CSF1R: variants seen among roughly 807,000 people sequenced by gnomAD.
The protein encoded by CSF1R is colony stimulating factor 1 receptor.
CSF1R carries 40 observed loss-of-function variants against 110.0 expected under a neutral mutation model. That is an observed-to-expected ratio of 0.36 (90% CI 0.28 to 0.47). The LOEUF is 0.47. Ranked by LOEUF, CSF1R falls within the 20% of genes least tolerant of loss-of-function variation. The pLI is 0.99. For synonymous variants in CSF1R, 523 were observed against 503.4 expected (o/e 1.04, Z -0.52); for missense variants, 1,052 against 1,253.0 (o/e 0.84, Z 2.42).
At chr5:150,085,453 C>G (rs1033566311) in intron 1 of CSF1R, among the ~76,000 whole-genome samples, 4 of 151,960 alleles carry the variant, frequency 2.6e-5, no homozygotes, top group East Asian at 1.9e-4. Context: ...CCATCCTCCC[C>G]CAAGGTCCCT....
intron 1 of CSF1R, among the ~76,000 whole-genome samples, chr5:150,097,251 C>CA (rs1306086961): frequency 8.3e-6 from 1 of 120,428 alleles, no homozygotes; most frequent in Non-Finnish European, 1.7e-5. Flanking sequence ...CACTCAGTCT[C>CA]AAAAAAAGAA....
chr5:150,069,461 G>A lies in CSF1R; in HGVS notation c.1510+412C>T, dbSNP rs1204727782. 2.6e-5 allele frequency among the ~76,000 whole-genome samples: 4 copies of A among 152,298 alleles called. No homozygotes were observed. In the East Asian group the frequency reaches 7.7e-4, roughly 29 times the overall value. ...GGCCGTCCTTAGCTGGCCCCGAGCTGGAGATGGACTGTTTCCTTGCTCATT... is the reference window on the plus strand; with the variant it reads ...GGCCGTCCTTAGCTGGCCCCGAGCTAGAGATGGACTGTTTCCTTGCTCATT... On this transcript the variant is annotated intron_variant, in intron 9 of 20. Coordinates refer to ENST00000675795, the MANE Select transcript of CSF1R (RefSeq NM_001288705.3).
At position 150,059,695 on chromosome 5, in the gene CSF1R, G is replaced by T. The variant is rs17110908; in HGVS notation, c.2132+5C>A. 8.1e-6 allele frequency: 13 copies of T among 1,612,970 alleles called. No individual in the cohort carries two copies. In the East Asian group the frequency reaches 2.7e-4, roughly 33 times the overall value. On this transcript the variant is annotated splice_donor_5th_base_variant and intron_variant, in intron 14 of 20. Coordinates refer to ENST00000675795, the MANE Select transcript of CSF1R (RefSeq NM_001288705.3). ...GCCTTTTTCTTGTCCTTTGCCAGGG[G>T]CTACCTGCGGACATATTTCTTCTCG...
chr5:150,072,376 C>T (rs1581310283), intron 6 of CSF1R, among the ~76,000 whole-genome samples: 1 of 152,040 alleles, frequency 6.6e-6, no homozygotes, highest in Non-Finnish European at 1.5e-5. Flanking sequence ...CATCTGTAAT[C>T]CCAGCTACTC....
intron 14 of CSF1R, among the ~76,000 whole-genome samples, chr5:150,059,158 C>A (rs906259430): frequency 6.6e-6 from 1 of 152,224 alleles, no homozygotes; most frequent in African/African-American, 2.4e-5. Flanking sequence ...AATTCTCCCG[C>A]CTCAGCCTCC....
chr5:150,065,692 CG>C lies in CSF1R; in HGVS notation c.1626+2522del, dbSNP rs371443008. On this transcript the variant is annotated intron_variant, in intron 10 of 20. Coordinates refer to ENST00000675795, the MANE Select transcript of CSF1R (RefSeq NM_001288705.3). ...CCTCCGCTCCCATGGGTGGACACCT[CG>C]GCCTGGAGCTAAAGGGTCTGTGAAT... Among the ~76,000 whole-genome samples the C allele has an allele frequency of 1.7e-3, 262 of 152,344 alleles. 1 individual carries two copies. Among genetic ancestry groups the C allele is most frequent in the African/African-American group, 6.0e-3 (251 of 41,590 alleles).
At chr5:150,094,489 A>G (rs1162414659) in intron 1 of CSF1R, 2 of 1,599,406 alleles carry the variant, frequency 1.3e-6, no homozygotes, top group Non-Finnish European at 1.7e-6. Flanking sequence ...GAATATAGGC[A>G]GATGTACAGG....
At chr5:150,070,605 C>A in intron 6 of CSF1R, 34 bp from the exon 7 acceptor site, 1 of 1,432,536 alleles carries the variant, frequency 7.0e-7, no homozygotes, top group South Asian at 1.4e-5. Context: ...TTGGTGAGCC[C>A]CAGCCTAGTA....
Position 150,055,372 on chromosome 5 carries a change from A to G in CSF1R, c.2555-36T>C, listed in dbSNP as rs1398917609. 3.2e-6 allele frequency: 5 copies of G among 1,566,736 alleles called. No homozygotes were observed. In the Admixed American group the frequency reaches 5.0e-5, roughly 16 times the overall value. On this transcript the variant is annotated intron_variant, in intron 18 of 20. Coordinates refer to ENST00000675795, the MANE Select transcript of CSF1R (RefSeq NM_001288705.3). ...CAAGATCAGGTAAGAGGCCATGCCC[A>G]TTGTCTTCTCCCCATTCCCGCACAC...
chr5:150,101,032 C>T (rs148037581), intron 1 of CSF1R, among the ~76,000 whole-genome samples: 1 of 151,722 alleles, frequency 6.6e-6, no homozygotes, highest in Non-Finnish European at 1.5e-5. Context: ...CCTTTCAGTA[C>T]CCGATCTCTT....
intron 1 of CSF1R, among the ~76,000 whole-genome samples, chr5:150,092,340 A>G (rs770873604): frequency 6.6e-6 from 1 of 152,248 alleles, no homozygotes. Flanking sequence ...TCACTTTCAC[A>G]TATGCATTTA....
intron 10 of CSF1R, among the ~76,000 whole-genome samples, chr5:150,065,452 C>T (rs1757721849): frequency 6.6e-6 from 1 of 152,240 alleles, no homozygotes. Context: ...CCCCACGGCC[C>T]CCCTTGTGGT....
Position 150,054,012 on chromosome 5 carries a change from C to T in CSF1R, c.*57G>A. The T allele has an allele frequency of 6.4e-7, 1 of 1,552,364 alleles. No individual in the cohort carries two copies. The highest frequency in any genetic ancestry group is 8.8e-7 in the Non-Finnish European group (1 of 1,130,664). Reference sequence around the variant, plus strand: ...GTATGTTCTCCCCGTGTCGCCCCATCCATGGAGGAGTTGAAGTTTGTGGGA... The same window carrying T: ...GTATGTTCTCCCCGTGTCGCCCCATTCATGGAGGAGTTGAAGTTTGTGGGA... On this transcript the variant is annotated 3_prime_UTR_variant, in exon 21 of 21. Coordinates refer to ENST00000675795, the MANE Select transcript of CSF1R (RefSeq NM_001288705.3).
chr5:150,072,419 G>A lies in CSF1R; in HGVS notation c.1082+882C>T, dbSNP rs186960770. On this transcript the variant is annotated intron_variant, in intron 6 of 20. Transcript: ENST00000675795. The stretch of plus-strand genomic sequence containing the variant: ...TGAGGCAGGAGAATCACTTGAACCC[G>A]GGAGGCCGAGTTTGCAGTGAGCCGA... Among the ~76,000 whole-genome samples the A allele has an allele frequency of 1.1e-3, 172 of 152,224 alleles. 1 individual carries two copies. The highest frequency in any genetic ancestry group is 2.9e-3 in the Admixed American group (45 of 15,296).
At chr5:150,059,305 A>G (rs1269912332) in intron 14 of CSF1R, among the ~76,000 whole-genome samples, 1 of 152,060 alleles carries the variant, frequency 6.6e-6, no homozygotes, top group East Asian at 1.9e-4. Flanking sequence ...CAGCCTCCCA[A>G]AGTGCTGGGA....
upstream of CSF1R, among the ~76,000 whole-genome samples, chr5:150,089,738 A>G (rs1484121765): frequency 6.6e-6 from 1 of 152,232 alleles, no homozygotes. Context: ...TTGAATATGC[A>G]AAACAATCTT....
Position 150,057,510 on chromosome 5 carries a change from C to T in CSF1R, c.2215G>A (p.Glu739Lys), listed in dbSNP as rs746764799. 8.7e-6 allele frequency: 14 copies of T among 1,614,050 alleles called. No homozygotes were observed. The highest frequency in any genetic ancestry group is 1.1e-5 in the Non-Finnish European group (13 of 1,179,992). ...VSTSSNDSFS[E>K]QDLDKEDGRP... ...GGCCCTGGGACCTCCTCACCTTGCT[C>T]AGAGAAGGAGTCATTTGAAGAAGTG... Residue 739 changes from glutamate to lysine, a missense_variant, in exon 15 of 21, where the codon GAG becomes AAG. By Grantham distance (56) the Glu-to-Lys change is moderately conservative. Around this residue, in one of 5 missense-constraint regions of CSF1R, gnomAD observed 124 missense variants for 117.7 expected, o/e 1.05. Coordinates refer to ENST00000675795, the MANE Select transcript of CSF1R (RefSeq NM_001288705.3).
chr5:150,063,505 C>T lies in CSF1R; in HGVS notation c.1627-1656G>A, dbSNP rs74981662. Among the ~76,000 whole-genome samples, 1,423 of 152,148 alleles carry T rather than the reference C, an allele frequency of 9.4e-3. 86 individuals carry two copies. In the East Asian group the frequency reaches 0.16, roughly 17 times the overall value. On this transcript the variant is annotated intron_variant, in intron 10 of 20. Coordinates refer to ENST00000675795, the MANE Select transcript of CSF1R (RefSeq NM_001288705.3). ...GGGATTATAGGCGTGAGCCATCGCA[C>T]CCAGCCTTGACTTTACCTTTTTGAG...
In CSF1R at chr5:150,074,359, G is replaced by A. The variant is rs1315599992; in HGVS notation, c.890-866C>T. Among the ~76,000 whole-genome samples the A allele has an allele frequency of 2.8e-5, 4 of 143,006 alleles. No homozygotes were observed. In the South Asian group the frequency reaches 9.0e-4, roughly 32 times the overall value. 93.8% of individuals were successfully genotyped at this position (143,006 alleles called of 152,430 possible). A position where few individuals can be genotyped will look rare whatever the true frequency, so the allele number is the denominator to read the frequency against. On this transcript the variant is annotated intron_variant, in intron 5 of 20. Coordinates refer to ENST00000675795, the MANE Select transcript of CSF1R (RefSeq NM_001288705.3). ...GTCTTGCTCTGTCATCCAGGCTGGA[G>A]TGCAGTGGCACAGTCTCTGCTCACT...
Sources: gnomAD v4.1 joint callset for allele counts (sites outside exome capture counted in the v4.1 genomes callset) on GRCh38, gnomAD v4.1.1 for gene constraint, gnomAD v4.1.1 regional missense constraint, MANE v1.5 for transcripts, NCBI Gene and HGNC (gene_info 2026-07-23, HGNC 2026-07-21) for gene names.